PTPRN2: variants seen among roughly 807,000 people sequenced by gnomAD.
PTPRN2 encodes receptor-type tyrosine-protein phosphatase N2.
In PTPRN2, 74 loss-of-function variants were observed where a neutral mutation model predicts 118.8. The observed-to-expected ratio is 0.62, with a 90% CI of 0.52 to 0.76. PTPRN2 has a LOEUF of 0.76. Ranked by LOEUF, PTPRN2 falls within the 30% of genes least tolerant of loss-of-function variation. PTPRN2 has a pLI of 0.00. For missense variants in PTPRN2, 1,481 were observed against 1,394.4 expected (o/e 1.06, Z -0.99); for synonymous variants, 641 against 608.0 (o/e 1.05, Z -0.80).
chr7:157,872,948 G>A (rs1341207353), intron 12 of PTPRN2, among the ~76,000 whole-genome samples: 1 of 152,236 alleles, frequency 6.6e-6, no homozygotes, highest in East Asian at 1.9e-4. Flanking sequence ...CCCAGGTGGT[G>A]CTTGTCCTCT....
chr7:158,329,844 T>C (rs966807449), intron 2 of PTPRN2, among the ~76,000 whole-genome samples: 4 of 152,116 alleles, frequency 2.6e-5, no homozygotes, highest in African/African-American at 9.7e-5. Flanking sequence ...GGAGACTCAC[T>C]TTCACTTTAG....
At chr7:157,684,920 C>A (rs894724909) in intron 12 of PTPRN2, among the ~76,000 whole-genome samples, 2 of 151,972 alleles carry the variant, frequency 1.3e-5, no homozygotes, top group African/African-American at 4.8e-5. Context: ...GGCCGCGACC[C>A]CGGATGCGAG....
At chr7:158,207,336 G>C (rs1330746961) in intron 3 of PTPRN2, among the ~76,000 whole-genome samples, 1 of 151,574 alleles carries the variant, frequency 6.6e-6, no homozygotes, top group African/African-American at 2.4e-5. Flanking sequence ...TAATGGGATG[G>C]CTGGGTCAAA....
chr7:157,747,230 A>AGCTGTGGGGTGTCCG (rs1801020098), intron 12 of PTPRN2, among the ~76,000 whole-genome samples: 1 of 64,910 alleles, frequency 1.5e-5, no homozygotes, highest in African/African-American at 6.4e-5. Flanking sequence ...TGGGCTGTTG[A>AGCTGTGGGGTGTCCG]GGTGATTCTG....
At chr7:157,806,377 C>G (rs1053319023) in intron 12 of PTPRN2, among the ~76,000 whole-genome samples, 11 of 152,222 alleles carry the variant, frequency 7.2e-5, no homozygotes, top group Admixed American at 3.3e-4. Flanking sequence ...CATATGTATT[C>G]ATGCATGTGT....
chr7:158,165,043 T>G (rs73745190), intron 6 of PTPRN2, among the ~76,000 whole-genome samples: 2,470 of 146,182 alleles, frequency 0.017, 77 homozygotes, highest in African/African-American at 0.058. Context: ...TGGTGTCTAG[T>G]ACCCACAAGA....
rs969060031 is a variant in PTPRN2, at chr7:157,729,758, A to G, written c.1789-46821T>C. Among the ~76,000 whole-genome samples, 8 of 152,086 alleles carry G rather than the reference A, an allele frequency of 5.3e-5. No homozygotes were observed. The highest frequency in any genetic ancestry group is 1.0e-4 in the Non-Finnish European group (7 of 68,002). On this transcript the variant is annotated intron_variant, in intron 12 of 22. Transcript: ENST00000389418. This position sits in a 1 kb window ranked among gnomAD's most constrained non-coding sequence, Gnocchi z 4.3. ...GGCTGAGGTCTCACGCCTGGCAGAG[A>G]TGGTGCCCAGGTAGTGACTGCACCA...
At chr7:158,054,398 A>G (rs925806566) in intron 11 of PTPRN2, among the ~76,000 whole-genome samples, 2 of 152,250 alleles carry the variant, frequency 1.3e-5, no homozygotes, top group African/African-American at 4.8e-5. Flanking sequence ...CAGACACTCA[A>G]AAAGACTGCT....
intron 2 of PTPRN2, among the ~76,000 whole-genome samples, chr7:158,327,015 A>C (rs115638684): frequency 0.011 from 1,709 of 151,834 alleles, 39 homozygotes; most frequent in African/African-American, 0.039. Context: ...ATGCATTCTC[A>C]CATATATACA....
At chr7:157,650,304 C>T (rs896785566) in intron 14 of PTPRN2, among the ~76,000 whole-genome samples, 1 of 152,232 alleles carries the variant, frequency 6.6e-6, no homozygotes, top group South Asian at 2.1e-4. Flanking sequence ...CCCCACCCGC[C>T]GTGCTGGGAA....
rs1467950524 is a variant in PTPRN2 at position 157,587,068 on chromosome 7, C to A, written c.2496+8170G>T. Among the ~76,000 whole-genome samples the A allele has an allele frequency of 6.6e-6, 1 of 151,970 alleles. No individual in the cohort carries two copies. Among genetic ancestry groups the A allele is most frequent in the Non-Finnish European group, 1.5e-5 (1 of 67,984 alleles). On this transcript the variant is annotated intron_variant, in intron 17 of 22. Coordinates refer to ENST00000389418, the MANE Select transcript of PTPRN2 (RefSeq NM_002847.5). This position sits in a 1 kb window ranked among gnomAD's most constrained non-coding sequence, Gnocchi z 5.3. ...GACAGTGCATGGTGTGGAATCCAGG[C>A]CTGCCATCTTCCCACCCACCCCTGC...
At chr7:157,548,870 C>G (rs548051139) in intron 22 of PTPRN2, 76 bp downstream of exon 22, 1 of 1,405,718 alleles carries the variant, frequency 7.1e-7, no homozygotes, top group South Asian at 1.2e-5. Flanking sequence ...AGGCCCTCCC[C>G]GTGCTCCTCT....
At chr7:157,840,850 G>A (rs548205550) in intron 12 of PTPRN2, among the ~76,000 whole-genome samples, 28 of 152,362 alleles carry the variant, frequency 1.8e-4, no homozygotes, top group African/African-American at 6.5e-4. Context: ...CCCTCCAGGA[G>A]CCAGAAGTGT....
At chr7:158,359,855 T>C (rs1586449732) in intron 2 of PTPRN2, among the ~76,000 whole-genome samples, 2 of 152,092 alleles carry the variant, frequency 1.3e-5, no homozygotes, top group Admixed American at 6.5e-5. Context: ...CTCTGACAGT[T>C]TTTAATATAC....
chr7:157,700,410 C>T (rs1798006716), intron 12 of PTPRN2, among the ~76,000 whole-genome samples: 2 of 152,198 alleles, frequency 1.3e-5, no homozygotes, highest in Admixed American at 1.3e-4. Context: ...TACTTTTCCT[C>T]CACTGGGTTT....
chr7:157,699,133 A>G (rs995338348), intron 12 of PTPRN2, among the ~76,000 whole-genome samples: 1 of 152,258 alleles, frequency 6.6e-6, no homozygotes, highest in African/African-American at 2.4e-5. Context: ...AAAGTAGAAC[A>G]ATAATTCAGG....
intron 13 of PTPRN2, among the ~76,000 whole-genome samples, chr7:157,669,855 C>G (rs2150777181): frequency 6.6e-6 from 1 of 152,264 alleles, no homozygotes; most frequent in African/African-American, 2.4e-5. Flanking sequence ...AACCTCGAGG[C>G]CGGGCTCCGG....
At chr7:158,250,966 G>A (rs1327870316) in intron 3 of PTPRN2, among the ~76,000 whole-genome samples, 1 of 151,756 alleles carries the variant, frequency 6.6e-6, no homozygotes, top group African/African-American at 2.4e-5. Context: ...AGTGAGATGA[G>A]CACATTTTTA....
chr7:158,333,726 T>C (rs1401478041), intron 2 of PTPRN2, among the ~76,000 whole-genome samples: 27 of 145,354 alleles, frequency 1.9e-4, no homozygotes, highest in African/African-American at 7.2e-4. Context: ...CCCACAGAGG[T>C]CACTCACACA....
Sources: gnomAD v4.1 joint callset for allele counts (sites outside exome capture counted in the v4.1 genomes callset) on GRCh38, gnomAD v4.1.1 for gene constraint, Gnocchi (gnomAD v3.1) non-coding constraint, MANE v1.5 for transcripts, NCBI Gene and HGNC (gene_info 2026-07-23, HGNC 2026-07-21) for gene names.